The following PLCH1 variants were observed in gnomAD, a reference collection of about 807,000 sequenced individuals.
The protein encoded by PLCH1 is phospholipase C eta 1.
In PLCH1, 60 loss-of-function variants were observed where a neutral mutation model predicts 126.7. The observed-to-expected ratio is 0.47, with a 90% CI of 0.38 to 0.59. The LOEUF is 0.59. Ranked by LOEUF, PLCH1 falls within the 20% of genes least tolerant of loss-of-function variation. The probability of loss-of-function intolerance (pLI) is 0.00; values close to 1 mark genes in which losing one functional copy is unlikely to be tolerated. For synonymous variants in PLCH1, 719 were observed against 734.9 expected (o/e 0.98, Z 0.35); for missense variants, 1,723 against 2,040.0 (o/e 0.84, Z 2.99).
rs73874860 is a variant in PLCH1, at chr3:155,599,354, A to G, written c.80-2976T>C. Among the ~76,000 whole-genome samples the G allele has an allele frequency of 6.6e-3, 1,012 of 152,334 alleles. 12 individuals are homozygous for G. Among genetic ancestry groups the G allele is most frequent in the African/African-American group, 0.023 (958 of 41,582 alleles). On this transcript the variant is annotated intron_variant, in intron 2 of 22. Coordinates refer to ENST00000460012, the MANE Select transcript of PLCH1 (RefSeq NM_014996.4). ...GAAATGTAGTAATAAGACACCATCA[A>G]TGAAGACTTGGGTATAGGAAAGGGT...
chr3:155,548,158 TA>T (rs1271408299), intron 10 of PLCH1, among the ~76,000 whole-genome samples: 1 of 152,206 alleles, frequency 6.6e-6, no homozygotes, highest in African/African-American at 2.4e-5. Context: ...ACAGTTGTAA[TA>T]ATAAACAACT....
chr3:155,664,618 T>G (rs1577275475), intron 2 of PLCH1, among the ~76,000 whole-genome samples: 1 of 152,222 alleles, frequency 6.6e-6, no homozygotes, highest in East Asian at 1.9e-4. Context: ...ACTGACTGAA[T>G]TTGGCCCACA....
intron 9 of PLCH1, 120 bp downstream of exon 9, chr3:155,553,956 G>A (rs1289425548): frequency 2.4e-6 from 2 of 818,224 alleles, no homozygotes; most frequent in South Asian, 4.6e-5. Context: ...GAGAAAACTA[G>A]TCTAGCAAAG....
intron 1 of PLCH1, among the ~76,000 whole-genome samples, chr3:155,741,371 A>AT (rs1226843624): frequency 6.6e-6 from 1 of 152,200 alleles, no homozygotes; most frequent in East Asian, 1.9e-4. Context: ...GCTGAGTCTG[A>AT]TTTTCCTAGA....
chr3:155,482,035 A>T lies in PLCH1; in HGVS notation c.3991T>A (p.Leu1331Met), dbSNP rs1173427321. ...KSCSPASSPD[L>M]TLEDVIADPT... Reference sequence around the variant, plus strand: ...TCAGCTATTACATCCTCCAGGGTCAAATCAGGGGAAGAGGCAGGGCTGCAG... The same window carrying T: ...TCAGCTATTACATCCTCCAGGGTCATATCAGGGGAAGAGGCAGGGCTGCAG... The change falls in exon 23 of 23, where the codon TTG becomes ATG. Residue 1331 changes from leucine to methionine, a missense_variant. Around this residue, in one of 2 missense-constraint regions of PLCH1, gnomAD observed 947 missense variants for 977.1 expected, o/e 0.97. Transcript: ENST00000460012. 2 of 1,614,178 alleles carry T rather than the reference A, an allele frequency of 1.2e-6. No individual in the cohort carries two copies. The highest frequency in any genetic ancestry group is 3.3e-5 in the Admixed American group (2 of 60,028).
chr3:155,526,821 G>A (rs1462969015), intron 10 of PLCH1, among the ~76,000 whole-genome samples: 1 of 152,136 alleles, frequency 6.6e-6, no homozygotes, highest in Admixed American at 6.6e-5. Flanking sequence ...CAAATGTTGG[G>A]GTAATTTGCT....
At chr3:155,724,410 A>C (rs544665730) in intron 1 of PLCH1, among the ~76,000 whole-genome samples, 2 of 152,262 alleles carry the variant, frequency 1.3e-5, no homozygotes, top group South Asian at 4.2e-4. Context: ...TGTTTTATAA[A>C]TTTGGGAGCT....
At chr3:155,543,648 G>A (rs544188035) in intron 10 of PLCH1, among the ~76,000 whole-genome samples, 1 of 152,040 alleles carries the variant, frequency 6.6e-6, no homozygotes, top group Non-Finnish European at 1.5e-5. Context: ...GAAAGGTCGG[G>A]TTACCCACAA....
intron 11 of PLCH1, among the ~76,000 whole-genome samples, chr3:155,523,523 G>A (rs1480935287): frequency 6.6e-6 from 1 of 152,184 alleles, no homozygotes; most frequent in Non-Finnish European, 1.5e-5. Context: ...GCCTTGACAG[G>A]GAGCATGGGG....
intron 21 of PLCH1, among the ~76,000 whole-genome samples, chr3:155,453,832 T>C (rs1306740254): frequency 2.0e-5 from 3 of 151,732 alleles, no homozygotes; most frequent in Middle Eastern, 3.5e-3. Context: ...AGATATTCTA[T>C]TTCTTCTAAT....
chr3:155,635,766 C>T (rs549011869), intron 2 of PLCH1, among the ~76,000 whole-genome samples: 2 of 152,320 alleles, frequency 1.3e-5, no homozygotes, highest in South Asian at 4.1e-4. Context: ...TAATTAATTA[C>T]TGATTTTCCT....
intron 21 of PLCH1, among the ~76,000 whole-genome samples, chr3:155,468,973 T>C (rs1245047802): frequency 6.6e-6 from 1 of 152,208 alleles, no homozygotes; most frequent in African/African-American, 2.4e-5. Context: ...ATCCACATTC[T>C]TTTCCTTAGC....
In PLCH1 at chr3:155,485,450, AG is replaced by A; in HGVS notation, c.2879del (p.Pro960LeufsTer32). On this transcript the variant is annotated frameshift_variant, in exon 22 of 23. Coordinates refer to ENST00000460012, the MANE Select transcript of PLCH1 (RefSeq NM_014996.4). LOFTEE classifies it high-confidence loss of function. Reference sequence around the variant, plus strand: ...GGTTTCTGTCAACAGGCATAGAGACAGGGCGTGCTTGCAAACTGCGTGTGGT... The same window carrying A: ...GGTTTCTGTCAACAGGCATAGAGACAGGCGTGCTTGCAAACTGCGTGTGGT... ...RRTTRSLQAR[P>X]VSMPVDRNLL... The A allele has an allele frequency of 6.2e-7, 1 of 1,614,108 alleles. No homozygotes were observed. The highest frequency in any genetic ancestry group is 2.2e-5 in the East Asian group (1 of 44,878).
intron 2 of PLCH1, chr3:155,675,900 A>G (rs1744035770): frequency 1.5e-6 from 1 of 675,164 alleles, no homozygotes; most frequent in African/African-American, 1.9e-5. Flanking sequence ...GAATTCAAAT[A>G]AATATTTAAC....
chr3:155,499,697 C>T (rs547188424), intron 14 of PLCH1, among the ~76,000 whole-genome samples: 19 of 152,328 alleles, frequency 1.2e-4, no homozygotes, highest in South Asian at 1.2e-3. Flanking sequence ...TCAAACACTG[C>T]CTTTTCCCTG....
intron 2 of PLCH1, among the ~76,000 whole-genome samples, chr3:155,620,700 T>A (rs1333105030): frequency 1.3e-5 from 2 of 152,198 alleles, no homozygotes; most frequent in East Asian, 3.8e-4. Context: ...GCGGCCAGAC[T>A]GCCTCTCCAG....
chr3:155,477,803 A>G (rs1235586501), downstream of PLCH1, among the ~76,000 whole-genome samples: 2 of 152,110 alleles, frequency 1.3e-5, no homozygotes, highest in African/African-American at 4.8e-5. Flanking sequence ...TGGTGGGAAT[A>G]TAAATTAGCA....
At chr3:155,629,851 CACTCGCTGT>C (rs894727070) in intron 2 of PLCH1, among the ~76,000 whole-genome samples, 4 of 152,342 alleles carry the variant, frequency 2.6e-5, no homozygotes, top group African/African-American at 7.2e-5. Context: ...GCACACTTTG[CACTCGCTGT>C]ACTCGCTGTT....
At chr3:155,727,992 C>A (rs1411853868) in intron 1 of PLCH1, among the ~76,000 whole-genome samples, 6 of 152,154 alleles carry the variant, frequency 3.9e-5, no homozygotes, top group African/African-American at 1.4e-4. Flanking sequence ...GTCTCACTCT[C>A]TTGTCCCTTA....
Sources: allele counts gnomAD v4.1 joint callset (sites outside exome capture counted in the v4.1 genomes callset), GRCh38; gene constraint gnomAD v4.1.1; regional missense constraint gnomAD v4.1.1; transcripts MANE v1.5; gene names NCBI Gene and HGNC (gene_info 2026-07-23, HGNC 2026-07-21).